Variants in UIMC1 observed in about 807,000 individuals in gnomAD.
The protein encoded by UIMC1 is BRCA1-A complex subunit RAP80.
In UIMC1, 42 loss-of-function variants were observed where a neutral mutation model predicts 84.9. That is an observed-to-expected ratio of 0.49 (90% CI 0.39 to 0.64). The LOEUF (loss-of-function observed/expected upper bound fraction) is 0.64. Among genes scored for constraint, UIMC1 ranks in the 30% least tolerant of loss-of-function variants. UIMC1 has a pLI of 0.00. For missense variants in UIMC1, 825 were observed against 847.6 expected (o/e 0.97, Z 0.33); for synonymous variants, 281 against 293.0 (o/e 0.96, Z 0.42).
At position 176,916,628 on chromosome 5, in the gene UIMC1, T is replaced by C. The variant is rs974580485; in HGVS notation, c.1598-5239A>G. On this transcript the variant is annotated intron_variant, in intron 10 of 14. Transcript: ENST00000511320. ...AATCATATCAGATACTGTAAGAGTA[T>C]CCAGCCCACAGAAAGCACTCAGTAA... Among the ~76,000 whole-genome samples, 8 of 152,336 alleles carry C rather than the reference T, an allele frequency of 5.3e-5. No homozygotes were observed. In the South Asian group the frequency reaches 1.7e-3, roughly 32 times the overall value.
chr5:176,938,648 TTCTTA>T (rs1428799099), intron 10 of UIMC1, among the ~76,000 whole-genome samples: 3 of 152,208 alleles, frequency 2.0e-5, no homozygotes, highest in Non-Finnish European at 4.4e-5. Context: ...TTTCCCTTGC[TTCTTA>T]TCTTATCTAA....
chr5:176,938,057 G>C (rs765563626), intron 10 of UIMC1, among the ~76,000 whole-genome samples: 17 of 151,870 alleles, frequency 1.1e-4, no homozygotes, highest in Non-Finnish European at 2.2e-4. Context: ...AGGCGTGATG[G>C]CATGCACCTG....
intron 9 of UIMC1, among the ~76,000 whole-genome samples, chr5:176,947,005 G>A (rs962257453): frequency 1.3e-5 from 2 of 152,134 alleles, no homozygotes; most frequent in African/African-American, 4.8e-5. Context: ...GTTACATGAC[G>A]CAAATGTGTC....
chr5:176,998,952 G>A (rs1195711971), intron 1 of UIMC1, among the ~76,000 whole-genome samples: 1 of 152,102 alleles, frequency 6.6e-6, no homozygotes, highest in East Asian at 1.9e-4. Context: ...CACTCTGGGT[G>A]GCCAAGGCAG....
chr5:176,961,903 G>GC (rs1366991594), intron 6 of UIMC1, among the ~76,000 whole-genome samples: 2 of 65,196 alleles, frequency 3.1e-5, no homozygotes, highest in South Asian at 7.0e-4. Flanking sequence ...GGGGGGATCG[G>GC]CCCCCCGCCC....
At position 176,964,114 on chromosome 5, in the gene UIMC1, T is replaced by G. The variant is rs187401470; in HGVS notation, c.1200+4441A>C. On this transcript the variant is annotated intron_variant, in intron 6 of 14. Coordinates refer to ENST00000511320, the MANE Select transcript of UIMC1 (RefSeq NM_001199298.2). ...CTGAGTCCCTATTTTTGAGACTCTCTTGCTATCTCTATCAACCAAGAAGTC... is the reference window on the plus strand; with the variant it reads ...CTGAGTCCCTATTTTTGAGACTCTCGTGCTATCTCTATCAACCAAGAAGTC... 4.6e-5 allele frequency among the ~76,000 whole-genome samples: 7 copies of G among 152,332 alleles called. No homozygotes were observed. In the East Asian group the frequency reaches 1.3e-3, roughly 29 times the overall value.
intron 11 of UIMC1, among the ~76,000 whole-genome samples, chr5:176,910,644 A>G (rs1760011293): frequency 6.6e-6 from 1 of 152,220 alleles, no homozygotes. Context: ...AAAATGCTCA[A>G]TGCTTCCCAA....
At chr5:176,923,947 G>T (rs1484113473) in intron 10 of UIMC1, among the ~76,000 whole-genome samples, 2 of 150,090 alleles carry the variant, frequency 1.3e-5, no homozygotes, top group Non-Finnish European at 3.0e-5. Flanking sequence ...ACATTATCAG[G>T]GATAAAACTG....
intron 1 of UIMC1, chr5:177,006,235 G>A (rs758075503): frequency 4.6e-5 from 7 of 152,378 alleles, no homozygotes; most frequent in Middle Eastern, 3.4e-3. Flanking sequence ...GGCGTTCCGA[G>A]GGGCCCTGCG....
intron 10 of UIMC1, among the ~76,000 whole-genome samples, chr5:176,924,708 A>C (rs1762161069): frequency 6.6e-6 from 1 of 152,186 alleles, no homozygotes. Flanking sequence ...TGAAAATTAG[A>C]CCATCTTAAA....
intron 1 of UIMC1, among the ~76,000 whole-genome samples, chr5:177,017,670 C>CT (rs1561943710): frequency 8.4e-5 from 12 of 142,812 alleles, no homozygotes; most frequent in African/African-American, 2.5e-4. Flanking sequence ...CCACGCTGGC[C>CT]CTTTTTTTTT....
Position 176,905,360 on chromosome 5 carries a change from G to C in UIMC1, c.2082C>G (p.Asp694Glu). The C allele has an allele frequency of 6.2e-7, 1 of 1,614,148 alleles. No homozygotes were observed. Among genetic ancestry groups the C allele is most frequent in the Non-Finnish European group, 8.5e-7 (1 of 1,180,004 alleles). ...GCTGGACAGTAACTTGCTTTTTAAA[G>C]TCCACTAAGCAATCTGTGGCTTCTG... Reference protein sequence around the residue: ...SISEATDCLVDFKKQVTVQPG... With the variant: ...SISEATDCLVEFKKQVTVQPG... The change falls in exon 15 of 15, where the codon GAC becomes GAG. Residue 694 changes from aspartate (D) to glutamate (E), a missense_variant. Transcript: ENST00000511320.
Position 176,987,866 on chromosome 5 carries a change from T to C in UIMC1, c.-8-5243A>G, listed in dbSNP as rs1404854884. 3.4e-5 allele frequency among the ~76,000 whole-genome samples: 5 copies of C among 146,846 alleles called. No individual in the cohort carries two copies. In the Admixed American group the frequency reaches 3.4e-4, roughly 10 times the overall value. On this transcript the variant is annotated intron_variant, in intron 1 of 14. Transcript: ENST00000511320. ...CAAACGTAAAAGTAGCCCAGCAGAGTGGGCTGTAATCCCAAAACTCTGAGA... is the reference window on the plus strand; with the variant it reads ...CAAACGTAAAAGTAGCCCAGCAGAGCGGGCTGTAATCCCAAAACTCTGAGA...
chr5:176,934,264 A>T (rs1256514750), intron 10 of UIMC1, among the ~76,000 whole-genome samples: 1 of 152,240 alleles, frequency 6.6e-6, no homozygotes. Context: ...AAAGACATAT[A>T]AACACTTTAG....
intron 1 of UIMC1, among the ~76,000 whole-genome samples, chr5:176,989,057 C>T (rs1772438165): frequency 6.6e-6 from 1 of 152,042 alleles, no homozygotes. Flanking sequence ...AGCAGAGAAT[C>T]ACTGACTCAA....
intron 9 of UIMC1, among the ~76,000 whole-genome samples, chr5:176,944,175 T>C (rs138574101): frequency 1.7e-4 from 25 of 142,940 alleles, no homozygotes; most frequent in African/African-American, 7.0e-4. Flanking sequence ...CATAAGTCTG[T>C]ACTTAGACCC....
chr5:176,934,935 C>T (rs1194140268), intron 10 of UIMC1, among the ~76,000 whole-genome samples: 1 of 152,196 alleles, frequency 6.6e-6, no homozygotes, highest in Non-Finnish European at 1.5e-5. Flanking sequence ...ATCTGAGCTC[C>T]CAGATCCAGC....
chr5:176,955,713 CAA>C (rs1258818955), intron 8 of UIMC1, among the ~76,000 whole-genome samples: 3 of 151,708 alleles, frequency 2.0e-5, no homozygotes, highest in African/African-American at 7.3e-5. Flanking sequence ...ATCAAGAAGA[CAA>C]AAAAAGTCAT....
intron 1 of UIMC1, among the ~76,000 whole-genome samples, chr5:176,987,326 TAAAC>T (rs975431492): frequency 6.6e-6 from 1 of 151,850 alleles, no homozygotes; most frequent in African/African-American, 2.4e-5. Context: ...ATGCTAGACA[TAAAC>T]AATCAAAACT....
Sources: gnomAD v4.1 joint callset for allele counts (sites outside exome capture counted in the v4.1 genomes callset) on GRCh38, gnomAD v4.1.1 for gene constraint, MANE v1.5 for transcripts, NCBI Gene and HGNC (gene_info 2026-07-23, HGNC 2026-07-21) for gene names.